The following INTS7 variants were observed in gnomAD, a reference collection of about 807,000 sequenced individuals.
INTS7 encodes the protein integrator complex subunit 7.
In INTS7, 46 loss-of-function variants were observed where a neutral mutation model predicts 109.2. That is an observed-to-expected ratio of 0.42 (90% CI 0.33 to 0.54). The LOEUF (loss-of-function observed/expected upper bound fraction) is 0.54, where lower values mean the gene tolerates loss of function less well. Among genes scored for constraint, INTS7 ranks in the 20% least tolerant of loss-of-function variants. INTS7 has a pLI of 0.07. For missense variants in INTS7, 929 were observed against 1,132.4 expected (o/e 0.82, Z 2.58); for synonymous variants, 412 against 402.9 (o/e 1.02, Z -0.27).
At chr1:211,950,199 A>C (rs1010339912) in intron 17 of INTS7, among the ~76,000 whole-genome samples, 1 of 152,238 alleles carries the variant, frequency 6.6e-6, no homozygotes, top group African/African-American at 2.4e-5. Flanking sequence ...TGTTGAACTG[A>C]ATCTGGAGGC....
rs1316659894 is a variant in INTS7 at position 212,021,216 on chromosome 1, T to TG, written c.95-5dup. 6.3e-7 allele frequency: 1 copy of TG among 1,582,474 alleles called. No individual in the cohort carries two copies. ...CCAAGTTTGCCAGATCTTAGGCCTA[T>TG]GGAAAAAAAAAAGCACAGAGAGGGA... On this transcript the variant is annotated splice_polypyrimidine_tract_variant and splice_region_variant and intron_variant, in intron 1 of 19. Transcript: ENST00000366994.
Position 212,006,671 on chromosome 1 carries a change from T to C in INTS7, c.847A>G (p.Thr283Ala). 5.0e-6 allele frequency: 8 copies of C among 1,584,922 alleles called. No homozygotes were observed. The highest frequency in any genetic ancestry group is 6.9e-6 in the Non-Finnish European group (8 of 1,155,726). The change falls in exon 7 of 20, where the codon ACA becomes GCA. Residue 283 changes from threonine to alanine, a missense_variant. Around this residue, in one of 2 missense-constraint regions of INTS7, gnomAD observed 787 missense variants for 901.1 expected, o/e 0.87. Transcript: ENST00000366994. ...IQDLKLLANKTPHTWSRENIQ... is the reference protein window; with the variant it reads ...IQDLKLLANKAPHTWSRENIQ... ...TTCTCCCTACTCCAAGTATGTGGTG[T>C]TTTATTAGCAAGTAATTTCAGATCT...
chr1:211,989,613 G>C (rs767963722), intron 7 of INTS7, among the ~76,000 whole-genome samples: 1 of 152,064 alleles, frequency 6.6e-6, no homozygotes, highest in African/African-American at 2.4e-5. Flanking sequence ...CCTGAGGTCA[G>C]GAGTTCGAGA....
intron 7 of INTS7, among the ~76,000 whole-genome samples, chr1:212,005,411 T>C: frequency 6.6e-6 from 1 of 152,202 alleles, no homozygotes; most frequent in East Asian, 1.9e-4. Context: ...TGTAATGTTC[T>C]ATTTCTAGCT....
intron 17 of INTS7, among the ~76,000 whole-genome samples, chr1:211,950,603 T>C (rs1028166110): frequency 6.6e-6 from 1 of 152,230 alleles, no homozygotes; most frequent in African/African-American, 2.4e-5. Context: ...ACTCCCTATA[T>C]GACAGCACTG....
rs1229419295 is a variant in INTS7, at chr1:212,032,202, C to CT, written c.94+3141dup. On this transcript the variant is annotated intron_variant, in intron 1 of 19. Transcript: ENST00000366994. ...TGAAAGTATATCCAGAATCTCAGCA[C>CT]TTCACACATTTTCAGTGTCACCATC... Among the ~76,000 whole-genome samples, 1,220 of 152,340 alleles carry CT rather than the reference C, an allele frequency of 8.0e-3. 19 individuals are homozygous for CT. Among genetic ancestry groups the CT allele is most frequent in the African/African-American group, 0.026 (1,084 of 41,572 alleles).
Position 211,946,693 on chromosome 1 carries a change from G to A in INTS7, c.2329C>T (p.Leu777Phe). The A allele has an allele frequency of 6.2e-7, 1 of 1,611,020 alleles. No individual in the cohort carries two copies. The highest frequency in any genetic ancestry group is 1.7e-4 in the Middle Eastern group (1 of 6,052). ...AGCAAAGCAATGATGGCATTGCAGA[G>A]GCATGCTGTGTGCTGGGGGAAAAAA... ...TPVSYMHTAC[L>F]CNAIIALLKV... is the part of the protein sequence containing the mutation. The change falls in exon 18 of 20, where the codon CTC becomes TTC. Residue 777 changes from leucine (L) to phenylalanine (F), a missense_variant. Physicochemically the swap from Leu to Phe is conservative, Grantham distance 22. This residue lies in a region of INTS7 where 787 missense variants were observed against 901.1 expected (regional missense o/e 0.87). Transcript: ENST00000366994. The surrounding 1 kb of genome is among the most constrained non-coding windows in gnomAD (Gnocchi z 4.3).
intron 13 of INTS7, among the ~76,000 whole-genome samples, chr1:211,974,337 A>G (rs1664324498): frequency 7.0e-6 from 1 of 142,196 alleles, no homozygotes; most frequent in African/African-American, 2.6e-5. Context: ...TGTGCCTCAC[A>G]GTAGTCTGAA....
At chr1:211,999,555 T>C (rs1008467902) in intron 7 of INTS7, among the ~76,000 whole-genome samples, 10 of 152,104 alleles carry the variant, frequency 6.6e-5, no homozygotes, top group African/African-American at 2.4e-4. Flanking sequence ...TAAAAACTCA[T>C]CCAACTGCAA....
intron 16 of INTS7, among the ~76,000 whole-genome samples, chr1:211,955,691 AGC>A (rs1004436344): frequency 6.6e-6 from 1 of 152,234 alleles, no homozygotes; most frequent in Non-Finnish European, 1.5e-5. Context: ...AAGGCATTTC[AGC>A]CAGGTATTTT....
intron 16 of INTS7, among the ~76,000 whole-genome samples, chr1:211,956,464 AT>A (rs965295231): frequency 6.6e-6 from 1 of 152,106 alleles, no homozygotes; most frequent in Non-Finnish European, 1.5e-5. Context: ...TTTTAAAAAA[AT>A]TTTTGTCTAT....
chr1:212,005,689 A>G (rs1665874281), intron 7 of INTS7, among the ~76,000 whole-genome samples: 1 of 152,176 alleles, frequency 6.6e-6, no homozygotes, highest in South Asian at 2.1e-4. Context: ...AGATAGCATT[A>G]TTTAGTAGAA....
intron 13 of INTS7, among the ~76,000 whole-genome samples, chr1:211,969,551 CTTTTTTTTTTTT>C (rs36104773): frequency 2.4e-5 from 2 of 85,016 alleles, no homozygotes; most frequent in East Asian, 3.3e-4. Context: ...TTTTTCTTTT[CTTTTTTTTTTTT>C]TTTTTTTTTT....
At chr1:212,002,338 T>C (rs536648790) in intron 7 of INTS7, among the ~76,000 whole-genome samples, 20 of 152,360 alleles carry the variant, frequency 1.3e-4, no homozygotes, top group African/African-American at 4.8e-4. Context: ...CCCTACAACC[T>C]AGTCTCAATA....
rs186177513 is a variant in INTS7, at chr1:211,959,661, T to C, written c.2183+6769A>G. On this transcript the variant is annotated intron_variant, in intron 16 of 19. Coordinates refer to ENST00000366994, the MANE Select transcript of INTS7 (RefSeq NM_015434.4). The surrounding 1 kb of genome is among the most constrained non-coding windows in gnomAD (Gnocchi z 4.2). ...CCCCATTACCCCCGCATTACCGCCA[T>C]TGCATTTGGAGCTCCTGTGTCAACA... Among the ~76,000 whole-genome samples, 56 of 152,198 alleles carry C rather than the reference T, an allele frequency of 3.7e-4. No individual in the cohort carries two copies. The highest frequency in any genetic ancestry group is 1.0e-3 in the African/African-American group (43 of 41,510).
chr1:211,980,478 T>C (rs747155726), intron 10 of INTS7, among the ~76,000 whole-genome samples: 4 of 152,140 alleles, frequency 2.6e-5, no homozygotes, highest in Non-Finnish European at 4.4e-5. Context: ...TTCTTTCACA[T>C]AGGGTAGAGA....
At chr1:212,027,550 A>C (rs1464634730) in intron 1 of INTS7, among the ~76,000 whole-genome samples, 1 of 152,234 alleles carries the variant, frequency 6.6e-6, no homozygotes, top group Non-Finnish European at 1.5e-5. Context: ...CAGTTGCAAC[A>C]TGCATGTAGA....
At position 211,959,488 on chromosome 1, in the gene INTS7, C is replaced by T. The variant is rs1663516338; in HGVS notation, c.2184-6787G>A. Among the ~76,000 whole-genome samples the T allele has an allele frequency of 6.6e-6, 1 of 152,156 alleles. No homozygotes were observed. The highest frequency in any genetic ancestry group is 6.5e-5 in the Admixed American group (1 of 15,278). On this transcript the variant is annotated intron_variant, in intron 16 of 19. Transcript: ENST00000366994. This position sits in a 1 kb window ranked among gnomAD's most constrained non-coding sequence, Gnocchi z 4.2. ...CAGCATGTGGACATGGGCCGGCTCA[C>T]CTGCTCCCTCCCCGTACTGGCAGCT...
Position 212,007,264 on chromosome 1 carries a change from CA to C in INTS7, c.741del (p.Asp248IlefsTer13). ...TFTLLAASSL[V>X]DTPKQIQLLL... ...ATTGAAATTACCTGCTTAGGTGTAT[CA>C]ACCAAAGATGACGCTGCAAGCAGAG... On this transcript the variant is annotated frameshift_variant, in exon 6 of 20. Coordinates refer to ENST00000366994, the MANE Select transcript of INTS7 (RefSeq NM_015434.4). LOFTEE classifies it high-confidence loss of function. The C allele has an allele frequency of 6.2e-7, 1 of 1,612,598 alleles. No individual in the cohort carries two copies. Among genetic ancestry groups the C allele is most frequent in the Non-Finnish European group, 8.5e-7 (1 of 1,178,716 alleles).
Sources: allele counts gnomAD v4.1 joint callset (sites outside exome capture counted in the v4.1 genomes callset), GRCh38; gene constraint gnomAD v4.1.1; regional missense constraint gnomAD v4.1.1; non-coding constraint Gnocchi (gnomAD v3.1); transcripts MANE v1.5; gene names NCBI Gene and HGNC (gene_info 2026-07-23, HGNC 2026-07-21).